ADCY9: variants seen among roughly 807,000 people sequenced by gnomAD.
ADCY9 encodes adenylate cyclase 9.
ADCY9 carries 50 observed loss-of-function variants against 101.5 expected under a neutral mutation model. The observed-to-expected ratio is 0.49, with a 90% CI of 0.39 to 0.62. The LOEUF (loss-of-function observed/expected upper bound fraction) is 0.62. Among genes scored for constraint, ADCY9 ranks in the 20% least tolerant of loss-of-function variants. The pLI, the probability that ADCY9 is intolerant of heterozygous loss-of-function variation, is 0.00. For missense variants in ADCY9, 1,662 were observed against 1,800.4 expected (o/e 0.92, Z 1.39); for synonymous variants, 905 against 769.3 (o/e 1.18, Z -2.92).
chr16:4,054,985 CTT>C (rs1232502233), intron 2 of ADCY9, among the ~76,000 whole-genome samples: 1 of 152,178 alleles, frequency 6.6e-6, no homozygotes, highest in African/African-American at 2.4e-5. Context: ...AACCCTGACT[CTT>C]TAATTATTAT....
chr16:4,085,609 T>C (rs978381609), intron 2 of ADCY9, among the ~76,000 whole-genome samples: 43 of 152,202 alleles, frequency 2.8e-4, no homozygotes, highest in African/African-American at 1.0e-3. Flanking sequence ...ATTCCAACCC[T>C]GACTGGTTAC....
intron 2 of ADCY9, among the ~76,000 whole-genome samples, chr16:4,100,999 G>C (rs79150797): frequency 2.8e-4 from 43 of 152,316 alleles, no homozygotes; most frequent in African/African-American, 8.4e-4. Flanking sequence ...AGTAACACTA[G>C]CTCTTCTCTA....
At chr16:4,083,709 A>G (rs911766890) in intron 2 of ADCY9, among the ~76,000 whole-genome samples, 2 of 152,252 alleles carry the variant, frequency 1.3e-5, no homozygotes, top group African/African-American at 4.8e-5. Context: ...ATGCTACACC[A>G]TGGGTGAACC....
chr16:3,966,863 A>G lies in ADCY9; in HGVS notation c.2974T>C (p.Leu992=), dbSNP rs763640707. ...AATTCGCGATTCAGGAACCAGACCA[A>G]CAAGAGCAGGAGAAAGAAGACGAGA... ...VVLVFFLLLL[L]VWFLNREFEV... Residue 992 remains leucine, a synonymous_variant, in exon 11 of 11, where the codon TTG becomes CTG. Coordinates refer to ENST00000294016, the MANE Select transcript of ADCY9 (RefSeq NM_001116.4). The G allele has an allele frequency of 5.6e-6, 9 of 1,614,170 alleles. No homozygotes were observed. The highest frequency in any genetic ancestry group is 2.2e-5 in the South Asian group (2 of 91,088).
chr16:4,091,675 G>C (rs1468723254), intron 2 of ADCY9, among the ~76,000 whole-genome samples: 1 of 152,184 alleles, frequency 6.6e-6, no homozygotes, highest in Non-Finnish European at 1.5e-5. Flanking sequence ...AATGAACCTT[G>C]GAAACATGCT....
At chr16:4,054,762 T>C (rs563410733) in intron 2 of ADCY9, among the ~76,000 whole-genome samples, 19 of 151,978 alleles carry the variant, frequency 1.3e-4, no homozygotes, top group Admixed American at 5.9e-4. Flanking sequence ...TAGAGACGGG[T>C]TTCACTGTGT....
rs756652210 is a variant in ADCY9 at position 3,966,531 on chromosome 16, G to C, written c.3306C>G (p.Ser1102Arg). Reference protein sequence around the residue: ...FDELLSKPDYSSIEKIKTIGA... With the variant: ...FDELLSKPDYRSIEKIKTIGA... ...CGATGGTCTTGATCTTCTCGATGCT[G>C]CTGTAGTCCGGCTTGCTTAGGAGCT... Residue 1102 changes from serine (S) to arginine (R), a missense_variant, in exon 11 of 11, where the codon AGC becomes AGG. Coordinates refer to ENST00000294016, the MANE Select transcript of ADCY9 (RefSeq NM_001116.4). The C allele has an allele frequency of 1.9e-6, 3 of 1,614,178 alleles. No homozygotes were observed. Among genetic ancestry groups the C allele is most frequent in the Admixed American group, 1.7e-5 (1 of 60,010 alleles).
At chr16:3,986,131 C>A (rs2056191180) in intron 6 of ADCY9, among the ~76,000 whole-genome samples, 1 of 152,244 alleles carries the variant, frequency 6.6e-6, no homozygotes, top group Admixed American at 6.5e-5. Context: ...GGCTCAAGGC[C>A]ACTCCACCAT....
At chr16:4,002,916 A>G (rs570875241) in intron 3 of ADCY9, among the ~76,000 whole-genome samples, 148 of 152,302 alleles carry the variant, frequency 9.7e-4, no homozygotes, top group African/African-American at 3.2e-3. Context: ...GGGTTTCACC[A>G]TGTTGGCCAG....
chr16:4,110,295 A>C (rs1293451044), intron 2 of ADCY9, among the ~76,000 whole-genome samples: 1 of 151,700 alleles, frequency 6.6e-6, no homozygotes, highest in Non-Finnish European at 1.5e-5. Context: ...ATACGGCTCC[A>C]TGACTGCTCC....
chr16:4,004,381 C>T lies in ADCY9; in HGVS notation c.1884+2987G>A, dbSNP rs181644534. ...TTTCCTGGTAGGTCGTTACAGTACACAGGTTATGTTACATTAGATAAGAAT... is the reference window on the plus strand; with the variant it reads ...TTTCCTGGTAGGTCGTTACAGTACATAGGTTATGTTACATTAGATAAGAAT... On this transcript the variant is annotated intron_variant, in intron 3 of 10. Transcript: ENST00000294016. 7.9e-5 allele frequency among the ~76,000 whole-genome samples: 12 copies of T among 151,726 alleles called. No homozygotes were observed. In the East Asian group the frequency reaches 2.3e-3, roughly 29 times the overall value.
intron 2 of ADCY9, among the ~76,000 whole-genome samples, chr16:4,072,165 G>A (rs1333973622): frequency 6.6e-6 from 1 of 152,204 alleles, no homozygotes; most frequent in Non-Finnish European, 1.5e-5. Context: ...TGCTGCTAAA[G>A]CTATACAGTA....
rs2056980613 is a variant in ADCY9, at chr16:4,092,633, A to G, written c.1693+21117T>C. Among the ~76,000 whole-genome samples the G allele has an allele frequency of 2.0e-5, 3 of 152,156 alleles. No homozygotes were observed. In the South Asian group the frequency reaches 6.2e-4, roughly 32 times the overall value. On this transcript the variant is annotated intron_variant, in intron 2 of 10. Coordinates refer to ENST00000294016, the MANE Select transcript of ADCY9 (RefSeq NM_001116.4). ...TTTAATAAGACACAAATTTGATTCA[A>G]ATTTCTCTTTCTCCTCCTCCCCCTT...
Position 4,006,692 on chromosome 16 carries a change from C to T in ADCY9, c.1884+676G>A, listed in dbSNP as rs2056369455. Among the ~76,000 whole-genome samples, 3 of 152,232 alleles carry T rather than the reference C, an allele frequency of 2.0e-5. No individual in the cohort carries two copies. In the South Asian group the frequency reaches 6.2e-4, roughly 32 times the overall value. On this transcript the variant is annotated intron_variant, in intron 3 of 10. Coordinates refer to ENST00000294016, the MANE Select transcript of ADCY9 (RefSeq NM_001116.4). ...AAACTATAAAAATAAACAGAAGGTA[C>T]CAGTGGGGAAACTAAATCAAATGTG...
intron 2 of ADCY9, among the ~76,000 whole-genome samples, chr16:4,035,906 G>T (rs1407530147): frequency 6.9e-6 from 1 of 144,688 alleles, no homozygotes; most frequent in Non-Finnish European, 1.5e-5. Context: ...GGCTGAGGGT[G>T]GAGAATCACT....
intron 2 of ADCY9, among the ~76,000 whole-genome samples, chr16:4,009,127 T>C (rs1366070990): frequency 6.6e-6 from 1 of 152,228 alleles, no homozygotes; most frequent in Non-Finnish European, 1.5e-5. Context: ...TTAAGTCAAC[T>C]GTTCTGAGAA....
At chr16:4,047,328 G>C (rs2056672010) in intron 2 of ADCY9, among the ~76,000 whole-genome samples, 1 of 152,036 alleles carries the variant, frequency 6.6e-6, no homozygotes, top group African/African-American at 2.4e-5. Flanking sequence ...AAAAGAAAGA[G>C]AGAGCTAGCT....
rs1171260992 is a variant in ADCY9 at position 4,079,898 on chromosome 16, CA to C, written c.1693+33851del. Among the ~76,000 whole-genome samples the C allele has an allele frequency of 5.9e-5, 9 of 151,920 alleles. No homozygotes were observed. The East Asian group carries it at 1.7e-3, about 29-fold the overall frequency. On this transcript the variant is annotated intron_variant, in intron 2 of 10. Transcript: ENST00000294016. ...TTTTGCTTATCTGTCTTTTCTAAAA[CA>C]CCAAAAACATGTTTTACTTTTATAA...
intron 2 of ADCY9, among the ~76,000 whole-genome samples, chr16:4,109,627 C>T (rs2057100979): frequency 6.6e-6 from 1 of 152,202 alleles, no homozygotes; most frequent in Non-Finnish European, 1.5e-5. Flanking sequence ...TTCACATGGT[C>T]AAGCCCTTCC....
Sources: gnomAD v4.1 joint callset for allele counts (sites outside exome capture counted in the v4.1 genomes callset) on GRCh38, gnomAD v4.1.1 for gene constraint, MANE v1.5 for transcripts, NCBI Gene and HGNC (gene_info 2026-07-23, HGNC 2026-07-21) for gene names.